The following GON4L variants were observed in gnomAD, a reference collection of about 807,000 sequenced individuals.
The protein encoded by GON4L is gon-4 like, also known as GON-4-like protein.
GON4L carries 87 observed loss-of-function variants against 211.8 expected under a neutral mutation model. The observed-to-expected ratio is 0.41, with a 90% CI of 0.35 to 0.49. The LOEUF (loss-of-function observed/expected upper bound fraction) is 0.49. Ranked by LOEUF, GON4L falls within the 20% of genes least tolerant of loss-of-function variation. GON4L has a pLI of 0.15. For synonymous variants in GON4L, 875 were observed against 962.6 expected (o/e 0.91, Z 1.68); for missense variants, 2,155 against 2,659.5 (o/e 0.81, Z 4.17).
chr1:155,771,349 T>C, intron 18 of GON4L, 132 bp from the exon 19 acceptor site: 1 of 1,174,002 alleles, frequency 8.5e-7, no homozygotes, highest in Non-Finnish European at 1.2e-6. Context: ...TCACCCAGGC[T>C]GGAGTGCAGT....
intron 2 of GON4L, among the ~76,000 whole-genome samples, chr1:155,839,428 C>G (rs1479022590): frequency 6.6e-6 from 1 of 152,076 alleles, no homozygotes; most frequent in African/African-American, 2.4e-5. Context: ...GTGGGTGGAT[C>G]ACTTGAGGTT....
intron 12 of GON4L, among the ~76,000 whole-genome samples, chr1:155,786,909 T>G (rs1664997570): frequency 6.6e-6 from 1 of 151,304 alleles, no homozygotes; most frequent in East Asian, 2.0e-4. Context: ...TGCCCAGTCC[T>G]ACAGTTAAGA....
chr1:155,750,760 C>G (rs1197049953), intron 31 of GON4L, 27 bp from the exon 32 acceptor site: 16 of 1,553,746 alleles, frequency 1.0e-5, no homozygotes, highest in African/African-American at 1.4e-5. Flanking sequence ...GCTGTATTCA[C>G]TGGTCTTTTT....
intron 10 of GON4L, among the ~76,000 whole-genome samples, chr1:155,805,625 C>T (rs914490339): frequency 2.0e-5 from 3 of 151,978 alleles, no homozygotes; most frequent in South Asian, 2.1e-4. Context: ...AATGTGTGGC[C>T]TGTCTCTGGC....
chr1:155,824,488 T>A (rs1409573136), intron 3 of GON4L, among the ~76,000 whole-genome samples: 1 of 133,418 alleles, frequency 7.5e-6, no homozygotes, highest in Non-Finnish European at 1.5e-5. Context: ...CTCATGCCTG[T>A]AATCCCAGCA....
At chr1:155,774,091 C>G (rs920820838) in intron 17 of GON4L, among the ~76,000 whole-genome samples, 9 of 152,064 alleles carry the variant, frequency 5.9e-5, no homozygotes, top group Non-Finnish European at 1.2e-4. Flanking sequence ...AATCAAGAAA[C>G]AAATCAGAAG....
rs1357739052 is a variant in GON4L, at chr1:155,753,410, C to G, written c.5636G>C (p.Cys1879Ser). The G allele has an allele frequency of 1.2e-6, 2 of 1,611,996 alleles. No homozygotes were observed. Among genetic ancestry groups the G allele is most frequent in the African/African-American group, 1.3e-5 (1 of 74,844 alleles). ...CTTGCTCTTGTAGGATTTGCTGTCA[C>G]AGACCTGCAGGGATGGTCTTCCGGG... ...RSCSHCSSKVCDSKSYKSKEP... is the reference protein window; with the variant it reads ...RSCSHCSSKVSDSKSYKSKEP... The change falls in exon 29 of 32, where the codon TGT (cysteine) becomes TCT (serine). Residue 1879 changes from cysteine (C) to serine (S), a missense_variant. By Grantham distance (112) the Cys-to-Ser change is moderately radical (BLOSUM62 -1). Coordinates refer to ENST00000368331, the MANE Select transcript of GON4L (RefSeq NM_001282860.2).
chr1:155,844,421 T>C (rs922511908), intron 2 of GON4L, among the ~76,000 whole-genome samples: 2 of 152,084 alleles, frequency 1.3e-5, no homozygotes, highest in Non-Finnish European at 2.9e-5. Context: ...TACATATATA[T>C]AACCAGGGAA....
At chr1:155,816,406 T>C in intron 6 of GON4L, 144 bp from the exon 7 acceptor site, 1 of 569,880 alleles carries the variant, frequency 1.8e-6, no homozygotes, top group Admixed American at 3.2e-5. Context: ...CCTGAGGGTA[T>C]ACTCTCAATT....
chr1:155,779,790 T>A (rs1393476608), intron 14 of GON4L, among the ~76,000 whole-genome samples: 1 of 151,800 alleles, frequency 6.6e-6, no homozygotes, highest in Non-Finnish European at 1.5e-5. Context: ...AGAAGAGGAA[T>A]TTATTTATTT....
At position 155,765,365 on chromosome 1, in the gene GON4L, C is replaced by T. The variant is rs766023236; in HGVS notation, c.4108G>A (p.Glu1370Lys). Residue 1370 changes from glutamate (E) to lysine (K), a missense_variant, in exon 21 of 32, where the codon GAA becomes AAA. Around this residue, in one of 6 missense-constraint regions of GON4L, gnomAD observed 615 missense variants for 625.7 expected, o/e 0.98. Transcript: ENST00000368331. ...TGTAAGACTGTCTGTTTCGTTACTT[C>T]TCCAGCACTGCTCAACTCCTCGCTT... is the stretch of plus-strand genomic sequence containing the variant. ...APSEELSSAG[E>K]VTKQTVLQKE... The T allele has an allele frequency of 4.3e-6, 7 of 1,614,192 alleles. No homozygotes were observed. The highest frequency in any genetic ancestry group is 8.5e-7 in the Non-Finnish European group (1 of 1,180,022).
At position 155,751,804 on chromosome 1, in the gene GON4L, A is replaced by T. The variant is rs746274702; in HGVS notation, c.6539T>A (p.Ile2180Asn). The change falls in exon 31 of 32, where the codon ATC (isoleucine) becomes AAC (asparagine). Residue 2180 changes from isoleucine (I) to asparagine (N), a missense_variant. Transcript: ENST00000368331. ...CTTATTTCCCAGCTGCTGGGAGATG[A>T]TGTTGAAGGTCTGTGGCTGTGCCCC... Reference protein sequence around the residue: ...EQGAQPQTFNIISQQLGNKTP... With the variant: ...EQGAQPQTFNNISQQLGNKTP... 6.2e-7 allele frequency: 1 copy of T among 1,613,740 alleles called. No homozygotes were observed. Among genetic ancestry groups the T allele is most frequent in the South Asian group, 1.1e-5 (1 of 91,080 alleles).
intron 10 of GON4L, among the ~76,000 whole-genome samples, chr1:155,809,989 TAA>T (rs1257800393): frequency 1.9e-4 from 5 of 26,616 alleles, no homozygotes; most frequent in African/African-American, 3.5e-4. Context: ...TATATATATA[TAA>T]TTATATATAT....
intron 12 of GON4L, among the ~76,000 whole-genome samples, chr1:155,793,727 G>C (rs957657088): frequency 6.6e-6 from 1 of 152,090 alleles, no homozygotes; most frequent in African/African-American, 2.4e-5. Context: ...TCCTGCCTCA[G>C]CCTCCTGAGT....
rs532063311 is a variant in GON4L at position 155,779,098 on chromosome 1, C to G, written c.1893-1278G>C. ...TGAAACCCCGTCTCTACTGAAAATA[C>G]AAAAAATTAGCTGGGCGCAGTCGTG... On this transcript the variant is annotated intron_variant, in intron 14 of 31. Transcript: ENST00000368331. Among the ~76,000 whole-genome samples the G allele has an allele frequency of 1.5e-3, 234 of 151,222 alleles. 2 individuals carry two copies. The highest frequency in any genetic ancestry group is 4.8e-3 in the African/African-American group (199 of 41,308).
Position 155,768,595 on chromosome 1 carries a change from A to G in GON4L, c.2647-1054T>C, listed in dbSNP as rs567611095. Reference sequence around the variant, plus strand: ...CACTGCACTCCAGCCTGGATGACACAGCAAGACTCCATCTCAAAAAAAAAA... The same window carrying G: ...CACTGCACTCCAGCCTGGATGACACGGCAAGACTCCATCTCAAAAAAAAAA... On this transcript the variant is annotated intron_variant, in intron 19 of 31. Coordinates refer to ENST00000368331, the MANE Select transcript of GON4L (RefSeq NM_001282860.2). 1.0e-3 allele frequency among the ~76,000 whole-genome samples: 156 copies of G among 150,604 alleles called. 1 individual carries two copies. The highest frequency in any genetic ancestry group is 3.5e-4 in the Non-Finnish European group (24 of 67,662).
chr1:155,763,093 T>C (rs1557830889), intron 22 of GON4L, among the ~76,000 whole-genome samples: 1 of 152,042 alleles, frequency 6.6e-6, no homozygotes, highest in African/African-American at 2.4e-5. Flanking sequence ...AATATAAATC[T>C]AGCAACGGAT....
intron 3 of GON4L, among the ~76,000 whole-genome samples, chr1:155,823,788 G>A (rs1158664269): frequency 6.6e-6 from 1 of 151,882 alleles, no homozygotes; most frequent in African/African-American, 2.4e-5. Flanking sequence ...AATTACTCAT[G>A]AGGCTGAGAC....
chr1:155,855,220 G>A (rs745682089), intron 1 of GON4L, among the ~76,000 whole-genome samples: 1 of 152,078 alleles, frequency 6.6e-6, no homozygotes, highest in Non-Finnish European at 1.5e-5. Flanking sequence ...TTTAGTATCT[G>A]TTTGTAAACC....
Sources: allele counts gnomAD v4.1 joint callset (sites outside exome capture counted in the v4.1 genomes callset), GRCh38; gene constraint gnomAD v4.1.1; regional missense constraint gnomAD v4.1.1; transcripts MANE v1.5; gene names NCBI Gene and HGNC (gene_info 2026-07-23, HGNC 2026-07-21).